ANO3: variants seen among roughly 807,000 people sequenced by gnomAD.
ANO3 encodes the protein anoctamin-3.
ANO3 carries 99 observed loss-of-function variants against 144.8 expected under a neutral mutation model. That is an observed-to-expected ratio of 0.68 (90% confidence interval 0.58 to 0.81). The LOEUF (loss-of-function observed/expected upper bound fraction) is 0.81, where lower values mean the gene tolerates loss of function less well. ANO3 is among the 30% of genes least tolerant of loss of function. ANO3 has a pLI of 0.00. For missense variants in ANO3, 905 were observed against 1,202.2 expected, an observed-to-expected ratio of 0.75 and a Z score of 3.66; for synonymous variants, 414 against 392.6, an observed-to-expected ratio of 1.05 and a Z score of -0.64.
intron 3 of ANO3, among the ~76,000 whole-genome samples, chr11:26,457,921 C>G (rs1342622325): frequency 6.6e-6 from 1 of 151,988 alleles, no homozygotes; most frequent in Non-Finnish European, 1.5e-5. Context: ...TTTTTCTTAA[C>G]TCTTTGATCT....
At chr11:26,596,739 C>T (rs993384257) in intron 14 of ANO3, among the ~76,000 whole-genome samples, 1 of 152,162 alleles carries the variant, frequency 6.6e-6, no homozygotes, top group East Asian at 1.9e-4. Context: ...TCAAGAAAGT[C>T]ATGGTTAGGA....
At chr11:26,479,496 A>G (rs973782023) in intron 4 of ANO3, among the ~76,000 whole-genome samples, 1 of 152,126 alleles carries the variant, frequency 6.6e-6, no homozygotes, top group Non-Finnish European at 1.5e-5. Flanking sequence ...GAGCAAAGTC[A>G]CATCTTGCGT....
intron 3 of ANO3, among the ~76,000 whole-genome samples, chr11:26,450,025 G>A (rs941448723): frequency 3.3e-5 from 5 of 152,092 alleles, no homozygotes; most frequent in South Asian, 2.1e-4. Context: ...CAAAGCGCTG[G>A]GATTTCAGGG....
intron 1 of ANO3, among the ~76,000 whole-genome samples, chr11:26,406,635 C>A (rs1169806122): frequency 6.7e-6 from 1 of 149,036 alleles, no homozygotes; most frequent in Non-Finnish European, 1.5e-5. Context: ...GGAGATAAAC[C>A]ATTAAGGCAG....
At chr11:26,592,491 C>T (rs1177341984) in intron 14 of ANO3, among the ~76,000 whole-genome samples, 1 of 151,368 alleles carries the variant, frequency 6.6e-6, no homozygotes, top group East Asian at 1.9e-4. Context: ...TGGGCCTTTT[C>T]TGTCCTACAA....
intron 20 of ANO3, among the ~76,000 whole-genome samples, chr11:26,638,033 A>T (rs566708256): frequency 6.6e-6 from 1 of 152,306 alleles, no homozygotes; most frequent in Non-Finnish European, 1.5e-5. Flanking sequence ...AAATCTAAAA[A>T]AGCAGAAAAG....
At chr11:26,557,354 G>C (rs556655019) in intron 13 of ANO3, among the ~76,000 whole-genome samples, 1 of 151,494 alleles carries the variant, frequency 6.6e-6, no homozygotes, top group African/African-American at 2.4e-5. Context: ...CCAGCTACTC[G>C]GGAGGCTGAG....
At chr11:26,418,960 T>G (rs1857673853) in intron 1 of ANO3, among the ~76,000 whole-genome samples, 1 of 152,132 alleles carries the variant, frequency 6.6e-6, no homozygotes, top group Non-Finnish European at 1.5e-5. Flanking sequence ...TCTGTATTAG[T>G]CTATTCTCAC....
chr11:26,233,173 C>A (rs1315764011), intron 1 of ANO3, among the ~76,000 whole-genome samples: 3 of 150,684 alleles, frequency 2.0e-5, no homozygotes, highest in East Asian at 3.9e-4. Context: ...GCCGAGATTG[C>A]GCCACTGCAC....
chr11:26,373,408 G>A (rs534805423), intron 1 of ANO3, among the ~76,000 whole-genome samples: 9 of 152,256 alleles, frequency 5.9e-5, no homozygotes, highest in Non-Finnish European at 1.0e-4. Flanking sequence ...ACCTTGTGAA[G>A]AATGTGCCTG....
intron 1 of ANO3, among the ~76,000 whole-genome samples, chr11:26,343,627 C>T (rs1486050306): frequency 6.6e-6 from 1 of 152,168 alleles, no homozygotes; most frequent in Non-Finnish European, 1.5e-5. Context: ...ACAGACTGAA[C>T]ATATCAACAT....
At chr11:26,465,272 T>A (rs1859560158) in intron 4 of ANO3, among the ~76,000 whole-genome samples, 1 of 146,316 alleles carries the variant, frequency 6.8e-6, no homozygotes, top group African/African-American at 2.5e-5. Flanking sequence ...ATGAACCTAT[T>A]TAGATAGATA....
chr11:26,519,966 A>G (rs1221910995), intron 6 of ANO3, among the ~76,000 whole-genome samples: 1 of 149,790 alleles, frequency 6.7e-6, no homozygotes, highest in Non-Finnish European at 1.5e-5. Flanking sequence ...TCTCAGTTGG[A>G]TTTTACTAAT....
At chr11:26,214,325 C>A (rs74388179) in intron 1 of ANO3, among the ~76,000 whole-genome samples, 2,130 of 151,776 alleles carry the variant, frequency 0.014, 38 homozygotes, top group East Asian at 0.099. Context: ...TAGGATGGAA[C>A]CTTCCAGTTT....
In ANO3 at chr11:26,662,615, T is replaced by C. The variant is rs1328942283; in HGVS notation, c.*2171T>C. 1 of 152,034 alleles carries C rather than the reference T, an allele frequency of 6.6e-6. No individual in the cohort carries two copies. The highest frequency in any genetic ancestry group is 1.5e-5 in the Non-Finnish European group (1 of 67,974). 9.4% of individuals were successfully genotyped at this position (152,034 alleles called of 1,614,324 possible). A position where few individuals can be genotyped will look rare whatever the true frequency, so the allele number is the denominator to read the frequency against. On this transcript the variant is annotated 3_prime_UTR_variant, in exon 27 of 27. Transcript: ENST00000256737. ...AGTCCCGTTAGGGTTTAAAACCATA[T>C]TGATCAACTAGAAAGAAAAATATGA...
At chr11:26,464,716 T>C (rs566705680) in intron 4 of ANO3, among the ~76,000 whole-genome samples, 88 of 151,796 alleles carry the variant, frequency 5.8e-4, no homozygotes, top group Middle Eastern at 3.4e-3. Flanking sequence ...CCACAATAGG[T>C]CAATCCAATA....
At position 26,598,949 on chromosome 11, in the gene ANO3, C is replaced by G; in HGVS notation, c.1622C>G (p.Ser541Ter). Residue 541 changes from serine to a stop codon, truncating the protein, a stop_gained, in exon 16 of 27, where the codon TCA becomes TGA. Transcript: ENST00000256737. LOFTEE classifies it high-confidence loss of function. ...TGKPEPHQPS[S>*]DKVTRLLVSV... ...AAACCTGAACCACATCAGCCTTCCT[C>G]AGACAAAGTCACTCGTCTTCTTGTT... The G allele has an allele frequency of 6.2e-7, 1 of 1,613,988 alleles. No homozygotes were observed. The highest frequency in any genetic ancestry group is 8.5e-7 in the Non-Finnish European group (1 of 1,179,930).
At chr11:26,580,607 T>C (rs964084130) in intron 14 of ANO3, among the ~76,000 whole-genome samples, 3 of 152,204 alleles carry the variant, frequency 2.0e-5, no homozygotes, top group Admixed American at 6.5e-5. Context: ...GGGCCTTCTT[T>C]TGAGAAGTCT....
At chr11:26,494,127 T>C (rs376893048) in intron 4 of ANO3, among the ~76,000 whole-genome samples, 18 of 151,972 alleles carry the variant, frequency 1.2e-4, no homozygotes, top group African/African-American at 2.9e-4. Flanking sequence ...AGTCTATTTT[T>C]GCAGAAATAG....
Sources: allele counts gnomAD v4.1 joint callset (sites outside exome capture counted in the v4.1 genomes callset), GRCh38; gene constraint gnomAD v4.1.1; transcripts MANE v1.5; gene names NCBI Gene and HGNC (gene_info 2026-07-23, HGNC 2026-07-21).